Variants in ALCAM observed in about 807,000 individuals in gnomAD.
ALCAM encodes the protein activated leukocyte cell adhesion molecule, also known as CD166 antigen.
ALCAM carries 30 observed loss-of-function variants against 70.9 expected under a neutral mutation model. That is an observed-to-expected ratio of 0.42 (90% CI 0.32 to 0.57). ALCAM has a LOEUF of 0.57. Ranked by LOEUF, ALCAM falls within the 20% of genes least tolerant of loss-of-function variation. The pLI is 0.11. For synonymous variants in ALCAM, 249 were observed against 242.5 expected, an observed-to-expected ratio of 1.03 and a Z score of -0.25; for missense variants, 591 against 695.1, an observed-to-expected ratio of 0.85 and a Z score of 1.68.
chr3:105,515,496 C>T (rs913912605), intron 1 of ALCAM, among the ~76,000 whole-genome samples: 3 of 151,972 alleles, frequency 2.0e-5, no homozygotes, highest in Non-Finnish European at 4.4e-5. Context: ...ATGTGAGAAA[C>T]CAATGGCTGA....
chr3:105,556,789 T>G (rs1940527107), intron 14 of ALCAM, among the ~76,000 whole-genome samples: 1 of 152,048 alleles, frequency 6.6e-6, no homozygotes, highest in African/African-American at 2.4e-5. Flanking sequence ...ATATATGTTC[T>G]CAGAAGAGGG....
At chr3:105,562,412 ACT>A (rs1390144218) in intron 14 of ALCAM, among the ~76,000 whole-genome samples, 1 of 152,136 alleles carries the variant, frequency 6.6e-6, no homozygotes, top group East Asian at 1.9e-4. Context: ...CATATTGTTT[ACT>A]CTGTTAATAT....
At chr3:105,543,880 A>G (rs914674030) in intron 8 of ALCAM, among the ~76,000 whole-genome samples, 1 of 151,630 alleles carries the variant, frequency 6.6e-6, no homozygotes, top group Non-Finnish European at 1.5e-5. Flanking sequence ...ATTAATGAGA[A>G]ATTGAGAAAG....
intron 1 of ALCAM, among the ~76,000 whole-genome samples, chr3:105,390,655 G>T (rs1935793986): frequency 1.3e-5 from 2 of 151,778 alleles, no homozygotes; most frequent in South Asian, 4.1e-4. Context: ...TTGATGTTTT[G>T]TCATGAAATC....
At chr3:105,555,169 A>G (rs1940490261) in intron 14 of ALCAM, among the ~76,000 whole-genome samples, 1 of 152,010 alleles carries the variant, frequency 6.6e-6, no homozygotes, top group Non-Finnish European at 1.5e-5. Context: ...TGAGAGCCTC[A>G]AGCATTTCCT....
chr3:105,479,991 C>A (rs530194713), intron 1 of ALCAM, among the ~76,000 whole-genome samples: 4 of 152,246 alleles, frequency 2.6e-5, no homozygotes, highest in South Asian at 2.1e-4. Flanking sequence ...TCCTTAATTT[C>A]CATCCAAACA....
intron 1 of ALCAM, among the ~76,000 whole-genome samples, chr3:105,388,578 T>C (rs1190144019): frequency 6.6e-6 from 1 of 151,628 alleles, no homozygotes; most frequent in Non-Finnish European, 1.5e-5. Flanking sequence ...ACATTTTTCT[T>C]ATCTGTAACT....
chr3:105,510,395 C>A (rs192394670), intron 1 of ALCAM, among the ~76,000 whole-genome samples: 14 of 152,142 alleles, frequency 9.2e-5, no homozygotes, highest in Non-Finnish European at 1.9e-4. Context: ...AAAAGTGTAA[C>A]CTTAGCACAA....
Position 105,547,412 on chromosome 3 carries a change from A to G in ALCAM, c.1263A>G (p.Thr421=). The change falls in exon 11 of 16, where the codon ACA becomes ACG. Residue 421 remains threonine (T), a synonymous_variant. Transcript: ENST00000306107. ...CAGGCAAACCTCAAATAAAAATGAC[A>G]AAGAAAACTGATCCCAGTGGACTAT... ...IVEGKPQIKM[T]KKTDPSGLSK... The G allele has an allele frequency of 6.2e-7, 1 of 1,606,834 alleles. No individual in the cohort carries two copies. The highest frequency in any genetic ancestry group is 2.2e-5 in the East Asian group (1 of 44,760).
intron 1 of ALCAM, among the ~76,000 whole-genome samples, chr3:105,445,769 T>C (rs1028934165): frequency 6.6e-6 from 1 of 152,152 alleles, no homozygotes; most frequent in African/African-American, 2.4e-5. Flanking sequence ...GAAAACTAGA[T>C]AGTCACCTGC....
chr3:105,383,237 TTCA>T (rs1935571686), intron 1 of ALCAM, among the ~76,000 whole-genome samples: 1 of 151,782 alleles, frequency 6.6e-6, no homozygotes. Flanking sequence ...GTATTGCCTA[TTCA>T]TTCTTCTCTC....
chr3:105,399,613 A>C (rs1936040381), intron 1 of ALCAM, among the ~76,000 whole-genome samples: 2 of 152,182 alleles, frequency 1.3e-5, no homozygotes, highest in Admixed American at 1.3e-4. Context: ...AATAAGCAAA[A>C]GACTATATCC....
At chr3:105,521,492 G>C (rs1436974977) in intron 2 of ALCAM, among the ~76,000 whole-genome samples, 1 of 152,122 alleles carries the variant, frequency 6.6e-6, no homozygotes, top group East Asian at 1.9e-4. Context: ...TGTAAGAAAT[G>C]TGCTTAAGCT....
chr3:105,389,128 A>G (rs1279529903), intron 1 of ALCAM, among the ~76,000 whole-genome samples: 1 of 151,560 alleles, frequency 6.6e-6, no homozygotes, highest in African/African-American at 2.4e-5. Context: ...TTACACAAGA[A>G]AAGTGGAAGG....
intron 1 of ALCAM, among the ~76,000 whole-genome samples, chr3:105,453,292 G>A (rs1937479452): frequency 6.6e-6 from 1 of 152,122 alleles, no homozygotes; most frequent in Non-Finnish European, 1.5e-5. Flanking sequence ...TCTGCATATG[G>A]CTAGCCGGTT....
intron 1 of ALCAM, among the ~76,000 whole-genome samples, chr3:105,503,896 T>C (rs147072018): frequency 3.9e-5 from 6 of 152,298 alleles, no homozygotes; most frequent in African/African-American, 9.6e-5. Context: ...GATGATTCAG[T>C]ATAAATGTCC....
chr3:105,553,256 C>G (rs907922034), intron 14 of ALCAM: 69 of 359,464 alleles, frequency 1.9e-4, no homozygotes, highest in African/African-American at 1.5e-3. Flanking sequence ...GATGAACCAG[C>G]GAAGATTCTT....
intron 1 of ALCAM, among the ~76,000 whole-genome samples, chr3:105,400,958 T>G (rs1008340065): frequency 2.0e-5 from 3 of 152,220 alleles, no homozygotes; most frequent in African/African-American, 7.2e-5. Context: ...TAAAGCATTT[T>G]GTACACAAAG....
At chr3:105,413,455 A>G (rs1445580681) in intron 1 of ALCAM, among the ~76,000 whole-genome samples, 1 of 152,066 alleles carries the variant, frequency 6.6e-6, no homozygotes, top group Non-Finnish European at 1.5e-5. Flanking sequence ...CATCTTTCCA[A>G]TCTTACAGAC....
Sources: allele counts gnomAD v4.1 joint callset (sites outside exome capture counted in the v4.1 genomes callset), GRCh38; gene constraint gnomAD v4.1.1; transcripts MANE v1.5; gene names NCBI Gene and HGNC (gene_info 2026-07-23, HGNC 2026-07-21).